The following MECR variants were observed in gnomAD, a reference collection of about 807,000 sequenced individuals.
The protein encoded by MECR is mitochondrial trans-2-enoyl-CoA reductase.
MECR carries 37 observed loss-of-function variants against 49.1 expected under a neutral mutation model. The observed-to-expected ratio is 0.75, with a 90% CI of 0.58 to 0.99. The LOEUF is 0.99. Ranked by LOEUF, MECR falls within the 50% of genes least tolerant of loss-of-function variation. The pLI is 0.00. For synonymous variants in MECR, 198 were observed against 191.1 expected, an observed-to-expected ratio of 1.04 and a Z score of -0.30; for missense variants, 470 against 479.6, an observed-to-expected ratio of 0.98 and a Z score of 0.19.
chr1:29,216,851 G>T, intron 1 of MECR, 166 bp from the exon 2 acceptor site: 1 of 1,432,818 alleles, frequency 7.0e-7, no homozygotes, highest in Non-Finnish European at 9.2e-7. Context: ...ATCAACACAG[G>T]AGGCTGGGCG....
rs756251873 is a variant in MECR at position 29,200,585 on chromosome 1, A to G, written c.761T>C (p.Met254Thr). 2 of 1,613,744 alleles carry G rather than the reference A, an allele frequency of 1.2e-6. No homozygotes were observed. Among genetic ancestry groups the G allele is most frequent in the South Asian group, 1.1e-5 (1 of 91,060 alleles). ...GTTGAGAGCAAGCCGTGGCTGGGGC[A>G]TGTCCTGGAAAACAACAAAAGTGCA... ...RPEMKNFFKDMPQPRLALNCV... is the reference protein window; with the variant it reads ...RPEMKNFFKDTPQPRLALNCV... Residue 254 changes from methionine (M) to threonine (T), a missense_variant, in exon 7 of 10, where the codon ATG becomes ACG. Transcript: ENST00000263702.
Position 29,230,897 on chromosome 1 carries a change from A to T in MECR, c.10T>A (p.Cys4Ser). ...GTTCGCACCCGCCACAGGGTACTGC[A>T]GACCCACATGCTCGCTCCAACCAAC... MWV[C>S]STLWRVRTPA... Residue 4 changes from cysteine to serine, a missense_variant, in exon 1 of 10, where the codon TGC (cysteine) becomes AGC (serine). Coordinates refer to ENST00000263702, the MANE Select transcript of MECR (RefSeq NM_016011.5). 15 of 1,604,882 alleles carry T rather than the reference A, an allele frequency of 9.3e-6. No homozygotes were observed. The highest frequency in any genetic ancestry group is 1.3e-5 in the Non-Finnish European group (15 of 1,178,356).
In MECR at chr1:29,203,121, C is replaced by T. The variant is rs1347509348; in HGVS notation, c.653+10G>A. The T allele has an allele frequency of 1.9e-6, 3 of 1,560,254 alleles. No homozygotes were observed. The highest frequency in any genetic ancestry group is 2.6e-6 in the Non-Finnish European group (3 of 1,149,072). On this transcript the variant is annotated intron_variant, in intron 5 of 9. Coordinates refer to ENST00000263702, the MANE Select transcript of MECR (RefSeq NM_016011.5). ...ACATGGTCTGGGATGAAGCCTCCTTCCCCACGCACCTGTCTCGGACCACAT... is the reference window on the plus strand; with the variant it reads ...ACATGGTCTGGGATGAAGCCTCCTTTCCCACGCACCTGTCTCGGACCACAT...
chr1:29,184,506 C>T, the MECR span, among the ~76,000 whole-genome samples: 49 of 152,216 alleles, frequency 3.2e-4, no homozygotes, highest in African/African-American at 8.9e-4. Flanking sequence ...GTAATCCCAG[C>T]GCTTTGGGAG....
At chr1:29,200,648 G>A (rs1675099003) in intron 6 of MECR, 59 bp from the exon 7 acceptor site, 1 of 1,465,008 alleles carries the variant, frequency 6.8e-7, no homozygotes. Context: ...GGGGTCTGAA[G>A]CTTGCCCAAG....
chr1:29,181,139 C>T, the MECR span, among the ~76,000 whole-genome samples: 1 of 152,272 alleles, frequency 6.6e-6, no homozygotes, highest in African/African-American at 2.4e-5. Context: ...AAAAGCGTGG[C>T]ACACGGCTAA....
rs200195789 is a variant in MECR, at chr1:29,203,146, T to C, written c.638A>G (p.Asn213Ser). The part of the protein sequence containing the change: ...IAAALGLRTI[N>S]VVRDRPDIQK... The stretch of plus-strand genomic sequence containing the variant: ...CCCCACGCACCTGTCTCGGACCACA[T>C]TGATGGTTCTTAGGCCCAGGGCTGC... Residue 213 changes from asparagine to serine, a missense_variant, in exon 5 of 10, where the codon AAT becomes AGT. Coordinates refer to ENST00000263702, the MANE Select transcript of MECR (RefSeq NM_016011.5). The C allele has an allele frequency of 4.4e-5, 70 of 1,578,440 alleles. No homozygotes were observed. The highest frequency in any genetic ancestry group is 5.2e-5 in the Non-Finnish European group (60 of 1,158,560).
chr1:29,174,675 GT>G, the MECR span, among the ~76,000 whole-genome samples: 247 of 130,686 alleles, frequency 1.9e-3, no homozygotes, highest in East Asian at 4.4e-3. Context: ...CAGGAGATAG[GT>G]TTTTTTTTTT....
chr1:29,230,596 C>A, intron 1 of MECR, 135 bp downstream of exon 1: 2 of 1,173,218 alleles, frequency 1.7e-6, no homozygotes, highest in Non-Finnish European at 2.4e-6. Flanking sequence ...ACCAAAAACG[C>A]CCTGGGCTTC....
At chr1:29,217,620 G>A (rs925628870) in intron 1 of MECR, among the ~76,000 whole-genome samples, 3 of 152,120 alleles carry the variant, frequency 2.0e-5, no homozygotes, top group African/African-American at 7.2e-5. Context: ...GTATGCTCAT[G>A]GATATAAATT....
At chr1:29,174,985 A>AT in the MECR span, among the ~76,000 whole-genome samples, 1 of 139,652 alleles carries the variant, frequency 7.2e-6, no homozygotes, top group African/African-American at 2.6e-5. Context: ...GGGTTTTTTA[A>AT]TTAAAAAAAA....
downstream of MECR, among the ~76,000 whole-genome samples, chr1:29,189,978 G>A (rs369798871): frequency 9.2e-5 from 14 of 152,264 alleles, 1 homozygote; most frequent in East Asian, 2.7e-3. Flanking sequence ...CCAAATACTA[G>A]GGGCTTGAAT....
chr1:29,181,323 C>G, the MECR span, among the ~76,000 whole-genome samples: 1 of 152,246 alleles, frequency 6.6e-6, no homozygotes, highest in Non-Finnish European at 1.5e-5. Flanking sequence ...AGTTCCGGGC[C>G]TAGGAAGGGA....
At chr1:29,177,269 C>G in the MECR span, among the ~76,000 whole-genome samples, 2 of 150,748 alleles carry the variant, frequency 1.3e-5, no homozygotes, top group Non-Finnish European at 2.9e-5. Flanking sequence ...CCCTTCCCTA[C>G]AGTAACTCTT....
intron 1 of MECR, among the ~76,000 whole-genome samples, chr1:29,222,124 C>T (rs556290511): frequency 2.0e-5 from 3 of 152,146 alleles, no homozygotes; most frequent in Non-Finnish European, 4.4e-5. Flanking sequence ...GACAGAGTCT[C>T]GCTTTGTCGC....
downstream of MECR, among the ~76,000 whole-genome samples, chr1:29,190,141 G>A (rs1673092321): frequency 6.6e-6 from 1 of 152,120 alleles, no homozygotes; most frequent in Non-Finnish European, 1.5e-5. Flanking sequence ...TTGGGAGGCT[G>A]AGGCGGGCGG....
At chr1:29,184,234 G>A in the MECR span, among the ~76,000 whole-genome samples, 2 of 147,986 alleles carry the variant, frequency 1.4e-5, no homozygotes, top group Non-Finnish European at 3.0e-5. Flanking sequence ...GGAGTGTAGT[G>A]GCACTATCTT....
Position 29,230,761 on chromosome 1 carries a change from C to A in MECR, c.146G>T (p.Gly49Val). The change falls in exon 1 of 10, where the codon GGG (glycine) becomes GTG (valine). Residue 49 changes from glycine to valine, a missense_variant. Coordinates refer to ENST00000263702, the MANE Select transcript of MECR (RefSeq NM_016011.5). ...EPARVRALVY[G>V]HHGDPAKVVE... is the part of the protein sequence containing the mutation. ...GACCTTGGCTGGATCCCCGTGGTGC[C>A]CATAGACAAGCGCCCGGACCCGGGC... The A allele has an allele frequency of 6.3e-7, 1 of 1,594,404 alleles. No individual in the cohort carries two copies. Among genetic ancestry groups the A allele is most frequent in the African/African-American group, 1.3e-5 (1 of 74,886 alleles).
At chr1:29,173,017 T>A in the MECR span, 1 of 151,916 alleles carries the variant, frequency 6.6e-6, no homozygotes, top group African/African-American at 2.4e-5. Context: ...AAATTGCACG[T>A]AAAACCTCAC....
Sources: gnomAD v4.1 joint callset for allele counts (sites outside exome capture counted in the v4.1 genomes callset) on GRCh38, gnomAD v4.1.1 for gene constraint, MANE v1.5 for transcripts, NCBI Gene and HGNC (gene_info 2026-07-23, HGNC 2026-07-21) for gene names.